ARHGAP15: variants seen among roughly 807,000 people sequenced by gnomAD.
ARHGAP15 encodes the protein Rho GTPase activating protein 15.
In ARHGAP15, 51 loss-of-function variants were observed where a neutral mutation model predicts 63.7. The ratio of observed to expected loss-of-function variants is 0.80; its 90% CI spans 0.64 to 1.01. The LOEUF (loss-of-function observed/expected upper bound fraction) is 1.01, where lower values mean the gene tolerates loss of function less well. Among genes scored for constraint, ARHGAP15 ranks in the 50% least tolerant of loss-of-function variants. The pLI, the probability that ARHGAP15 is intolerant of heterozygous loss-of-function variation, is 0.00. For synonymous variants in ARHGAP15, 191 were observed against 193.8 expected (o/e 0.99, Z 0.12); for missense variants, 560 against 564.6 (o/e 0.99, Z 0.08).
At chr2:143,732,476 AGATT>A (rs1417272430) in intron 13 of ARHGAP15, among the ~76,000 whole-genome samples, 1 of 152,228 alleles carries the variant, frequency 6.6e-6, no homozygotes, top group Non-Finnish European at 1.5e-5. Flanking sequence ...AAATAAAATA[AGATT>A]GATGCTCATA....
chr2:143,617,337 A>G (rs1040314737), intron 11 of ARHGAP15, among the ~76,000 whole-genome samples: 3 of 152,192 alleles, frequency 2.0e-5, no homozygotes, highest in African/African-American at 7.2e-5. Flanking sequence ...TGCTTGAGCT[A>G]CCATACTAAA....
intron 11 of ARHGAP15, among the ~76,000 whole-genome samples, chr2:143,577,593 A>G (rs1423120760): frequency 6.6e-6 from 1 of 152,128 alleles, no homozygotes; most frequent in African/African-American, 2.4e-5. Context: ...CAGGCTTTGC[A>G]TGGTTGTAAA....
intron 6 of ARHGAP15, among the ~76,000 whole-genome samples, chr2:143,401,625 A>G (rs1162786727): frequency 6.6e-6 from 1 of 152,016 alleles, no homozygotes; most frequent in African/African-American, 2.4e-5. Flanking sequence ...ATATTTTTTT[A>G]GAGTGTTCAA....
At chr2:143,521,840 G>C (rs548831542) in intron 10 of ARHGAP15, 20 of 151,376 alleles carry the variant, frequency 1.3e-4, no homozygotes, top group African/African-American at 4.9e-4. Context: ...ACAAATTGTG[G>C]CTATATCTCT....
chr2:143,132,873 T>C (rs761139807), intron 1 of ARHGAP15, among the ~76,000 whole-genome samples: 1 of 152,232 alleles, frequency 6.6e-6, no homozygotes, highest in Non-Finnish European at 1.5e-5. Flanking sequence ...TGAGTTTGAA[T>C]TAAACTAAAT....
chr2:143,558,862 G>T (rs867152235), intron 11 of ARHGAP15, among the ~76,000 whole-genome samples: 3 of 152,106 alleles, frequency 2.0e-5, no homozygotes, highest in Non-Finnish European at 4.4e-5. Flanking sequence ...CATGACTCTT[G>T]TTTCTAAGAA....
At chr2:143,538,457 C>A (rs1390807653) in intron 10 of ARHGAP15, among the ~76,000 whole-genome samples, 1 of 152,160 alleles carries the variant, frequency 6.6e-6, no homozygotes, top group Non-Finnish European at 1.5e-5. Context: ...TGTCTTGTGC[C>A]AGTTTTCAAA....
chr2:143,556,354 A>T, intron 10 of ARHGAP15, 54 bp from the exon 11 acceptor site: 2 of 1,349,858 alleles, frequency 1.5e-6, no homozygotes, highest in Non-Finnish European at 2.0e-6. Context: ...GATTTTTTTT[A>T]AACCATCTCA....
intron 11 of ARHGAP15, among the ~76,000 whole-genome samples, chr2:143,592,951 C>T (rs1483681019): frequency 6.6e-6 from 1 of 152,124 alleles, no homozygotes; most frequent in Non-Finnish European, 1.5e-5. Context: ...CCCACTGGCA[C>T]CGTTGTTCAA....
intron 1 of ARHGAP15, among the ~76,000 whole-genome samples, chr2:143,153,834 T>TCCTCCTCCTCCTCCTCC (rs1558779487): frequency 1.4e-5 from 1 of 71,772 alleles, no homozygotes; most frequent in Non-Finnish European, 2.8e-5. Context: ...CTTCTTCTTC[T>TCCTCCTCCTCCTCCTCC]TCTTCTTCTT....
At chr2:143,709,830 T>C (rs767761309) in intron 13 of ARHGAP15, among the ~76,000 whole-genome samples, 1 of 152,218 alleles carries the variant, frequency 6.6e-6, no homozygotes, top group Non-Finnish European at 1.5e-5. Flanking sequence ...AATGACACTG[T>C]AGGTATTTCT....
chr2:143,364,217 A>C (rs1298199325), intron 6 of ARHGAP15, among the ~76,000 whole-genome samples: 3 of 151,372 alleles, frequency 2.0e-5, no homozygotes, highest in Admixed American at 2.0e-4. Flanking sequence ...AAAAAAAAAA[A>C]AACATTCAAT....
intron 12 of ARHGAP15, among the ~76,000 whole-genome samples, chr2:143,674,712 A>G (rs1263777453): frequency 6.6e-6 from 1 of 152,222 alleles, no homozygotes; most frequent in East Asian, 1.9e-4. Context: ...ACTGTAGTCC[A>G]TTAAGTATGC....
At chr2:143,135,019 G>A (rs971666643) in intron 1 of ARHGAP15, among the ~76,000 whole-genome samples, 1 of 152,150 alleles carries the variant, frequency 6.6e-6, no homozygotes, top group Non-Finnish European at 1.5e-5. Flanking sequence ...TGAAGGAGGA[G>A]AAAAGGAATG....
chr2:143,336,449 G>A (rs368751356), intron 6 of ARHGAP15, among the ~76,000 whole-genome samples: 15 of 152,244 alleles, frequency 9.9e-5, no homozygotes, highest in South Asian at 6.2e-4. Flanking sequence ...CAAAATTGAC[G>A]GAGGGCAGTT....
At chr2:143,210,813 C>T (rs900901682) in intron 3 of ARHGAP15, among the ~76,000 whole-genome samples, 1 of 152,088 alleles carries the variant, frequency 6.6e-6, no homozygotes, top group African/African-American at 2.4e-5. Flanking sequence ...ATGTATGACC[C>T]AGAACCATTC....
At chr2:143,595,673 C>A (rs1185867370) in intron 11 of ARHGAP15, among the ~76,000 whole-genome samples, 2 of 151,930 alleles carry the variant, frequency 1.3e-5, no homozygotes, top group Admixed American at 1.3e-4. Context: ...TTGGGGCAGC[C>A]CTGCATGAGA....
intron 12 of ARHGAP15, among the ~76,000 whole-genome samples, chr2:143,644,496 T>C: frequency 6.6e-6 from 1 of 152,044 alleles, no homozygotes; most frequent in East Asian, 1.9e-4. Flanking sequence ...AACTTCCTGC[T>C]TCTGAGGCCC....
chr2:143,581,286 T>C (rs867301347), intron 11 of ARHGAP15, among the ~76,000 whole-genome samples: 64 of 152,224 alleles, frequency 4.2e-4, no homozygotes, highest in African/African-American at 1.5e-3. Flanking sequence ...ACTGGGCTCA[T>C]TGTGGCAAAC....
Sources: gnomAD v4.1 joint callset for allele counts (sites outside exome capture counted in the v4.1 genomes callset) on GRCh38, gnomAD v4.1.1 for gene constraint, MANE v1.5 for transcripts, NCBI Gene and HGNC (gene_info 2026-07-23, HGNC 2026-07-21) for gene names.